The following KLHL22 variants were observed in gnomAD, a reference collection of about 807,000 sequenced individuals.
KLHL22 encodes the protein kelch-like protein 22.
In KLHL22, 18 loss-of-function variants were observed where a neutral mutation model predicts 60.7. The observed-to-expected ratio is 0.30, with a 90% CI of 0.20 to 0.44. The LOEUF is 0.44. Among genes scored for constraint, KLHL22 ranks in the 20% least tolerant of loss-of-function variants. The pLI is 1.00. For synonymous variants in KLHL22, 355 were observed against 354.5 expected (o/e 1.00, Z -0.01); for missense variants, 596 against 852.3 (o/e 0.70, Z 3.74).
At chr22:20,492,977 T>C (rs1483977575) in intron 1 of KLHL22, among the ~76,000 whole-genome samples, 4 of 152,102 alleles carry the variant, frequency 2.6e-5, no homozygotes, top group Middle Eastern at 3.2e-3. Context: ...AAAGCCCCCA[T>C]GGCTGGCTGT....
At chr22:20,486,447 G>A (rs1259556234) in intron 2 of KLHL22, among the ~76,000 whole-genome samples, 3 of 152,134 alleles carry the variant, frequency 2.0e-5, no homozygotes, top group South Asian at 2.1e-4. Flanking sequence ...TGGGTGCATC[G>A]TCCCACAGGA....
intron 2 of KLHL22, chr22:20,488,747 GGAAGA>G: frequency 3.6e-6 from 2 of 561,038 alleles, no homozygotes; most frequent in Admixed American, 3.2e-5. Flanking sequence ...GAAAAGAAAA[GGAAGA>G]GAAGAGAGGG....
In KLHL22 at chr22:20,471,461, G is replaced by A. The variant is rs765292173; in HGVS notation, c.282C>T (p.His94=). The A allele has an allele frequency of 1.9e-5, 30 of 1,614,068 alleles. No homozygotes were observed. Among genetic ancestry groups the A allele is most frequent in the South Asian group, 1.3e-4 (12 of 91,092 alleles). The change falls in exon 3 of 7, where the codon CAC becomes CAT. Residue 94 remains histidine, a synonymous_variant. Transcript: ENST00000328879. ...GGCACATAGCATTGTAGGACACACC[G>A]TGGATCAGGACCTCTTCCTGTTCCA... The part of the protein sequence containing the change: ...KEMEQEEVLI[H]GVSYNAMCQI...
intron 4 of KLHL22, among the ~76,000 whole-genome samples, chr22:20,464,180 C>T (rs753390107): frequency 1.1e-4 from 16 of 152,044 alleles, no homozygotes; most frequent in Admixed American, 1.3e-4. Flanking sequence ...TGGAGCCAGG[C>T]GCATCCTACG....
At chr22:20,460,272 C>CT (rs917409523) in intron 4 of KLHL22, among the ~76,000 whole-genome samples, 8 of 152,164 alleles carry the variant, frequency 5.3e-5, no homozygotes, top group African/African-American at 1.9e-4. Context: ...GTCCTCACAG[C>CT]TTTTTAAGCT....
At chr22:20,464,773 G>A in intron 4 of KLHL22, 85 bp downstream of exon 4, 1 of 812,058 alleles carries the variant, frequency 1.2e-6, no homozygotes, top group South Asian at 1.8e-5. Context: ...AAGGCTGGGG[G>A]GAACCTGACC....
rs886742393 is a variant in KLHL22 at position 20,465,846 on chromosome 22, G to A, written c.394-270C>T. 4.6e-5 allele frequency among the ~76,000 whole-genome samples: 7 copies of A among 151,860 alleles called. No individual in the cohort carries two copies. The South Asian group carries it at 6.2e-4, about 13-fold the overall frequency. On this transcript the variant is annotated intron_variant, in intron 3 of 6. Transcript: ENST00000328879. The surrounding 1 kb of genome is among the most constrained non-coding windows in gnomAD (Gnocchi z 4.9). ...TTGCTTTTCTTTGAGACAAAGTTTCGCTCTTGTTGCCCAGAATGGAGTGCA... is the reference window on the plus strand; with the variant it reads ...TTGCTTTTCTTTGAGACAAAGTTTCACTCTTGTTGCCCAGAATGGAGTGCA...
intron 2 of KLHL22, 99 bp downstream of exon 2, chr22:20,488,886 G>T (rs1017882540): frequency 4.4e-6 from 5 of 1,140,464 alleles, no homozygotes; most frequent in African/African-American, 1.5e-5. Flanking sequence ...GAGGCTCTGA[G>T]GTGAGCAGGA....
At chr22:20,494,372 C>T (rs1260959203) in intron 1 of KLHL22, among the ~76,000 whole-genome samples, 1 of 152,050 alleles carries the variant, frequency 6.6e-6, no homozygotes, top group Admixed American at 6.5e-5. Flanking sequence ...CCACTGCGCC[C>T]GGCTAATTTT....
At position 20,442,313 on chromosome 22, in the gene KLHL22, G is replaced by A. The variant is rs745352594; in HGVS notation, c.1665C>T (p.Asn555=). 2 of 1,614,008 alleles carry A rather than the reference G, an allele frequency of 1.2e-6. No individual in the cohort carries two copies. Among genetic ancestry groups the A allele is most frequent in the East Asian group, 2.2e-5 (1 of 44,888 alleles). The change falls in exon 7 of 7, where the codon AAC becomes AAT. Residue 555 remains asparagine, a synonymous_variant. Coordinates refer to ENST00000328879, the MANE Select transcript of KLHL22 (RefSeq NM_032775.4). The part of the protein sequence containing the change: ...RIYVLGGRSH[N]RGSRTGYVHI... ...GCACGTAGCCTGTGCGGCTGCCGCG[G>A]TTGTGTGAGCGGCCACCTAACACAT... is the stretch of plus-strand genomic sequence containing the variant.
In KLHL22 at chr22:20,495,707, G is replaced by T; in HGVS notation, c.-34+53C>A. On this transcript the variant is annotated intron_variant, in intron 1 of 6. Coordinates refer to ENST00000328879, the MANE Select transcript of KLHL22 (RefSeq NM_032775.4). This position sits in a 1 kb window ranked among gnomAD's most constrained non-coding sequence, Gnocchi z 4.6. Reference sequence around the variant, plus strand: ...GCCCAGCGATGCCTGCTTGCCGCCCGACCCCCGCGTTCGCTGCCGCCCGGC... The same window carrying T: ...GCCCAGCGATGCCTGCTTGCCGCCCTACCCCCGCGTTCGCTGCCGCCCGGC... The T allele has an allele frequency of 6.6e-6, 1 of 151,580 alleles. No homozygotes were observed. Among genetic ancestry groups the T allele is most frequent in the South Asian group, 1.8e-4 (1 of 5,496 alleles). 9.4% of individuals were successfully genotyped at this position (151,580 alleles called of 1,614,324 possible).
At chr22:20,494,399 G>A (rs2053737974) in intron 1 of KLHL22, among the ~76,000 whole-genome samples, 2 of 151,790 alleles carry the variant, frequency 1.3e-5, no homozygotes, top group Non-Finnish European at 2.9e-5. Context: ...TTTCTTTGTA[G>A]AGAAGAGGTT....
intron 2 of KLHL22, chr22:20,483,293 A>T: frequency 2.8e-6 from 2 of 707,662 alleles, no homozygotes; most frequent in Non-Finnish European, 5.2e-6. Context: ...ATCTGCTGAG[A>T]CCAGTACTTG....
intron 6 of KLHL22, among the ~76,000 whole-genome samples, chr22:20,444,134 G>A (rs2052817002): frequency 1.3e-5 from 2 of 151,922 alleles, no homozygotes; most frequent in South Asian, 2.1e-4. Flanking sequence ...TGCCATTGCT[G>A]GCTTTGAAGA....
At position 20,446,637 on chromosome 22, in the gene KLHL22, A is replaced by G. The variant is rs547581950; in HGVS notation, c.1345T>C (p.Tyr449His). 1.9e-6 allele frequency: 3 copies of G among 1,613,032 alleles called. No homozygotes were observed. The highest frequency in any genetic ancestry group is 2.5e-6 in the Non-Finnish European group (3 of 1,180,044). Residue 449 changes from tyrosine to histidine, a missense_variant, in exon 6 of 7, where the codon TAT becomes CAT. Tyr to His is a moderately conservative substitution (Grantham distance 83, BLOSUM62 2). Coordinates refer to ENST00000328879, the MANE Select transcript of KLHL22 (RefSeq NM_032775.4). ...TCCCCTCTGCGGCCGCAGGTGATATACATCTTCCCCTCCAGCGTCGCGCCT... is the reference window on the plus strand; with the variant it reads ...TCCCCTCTGCGGCCGCAGGTGATATGCATCTTCCCCTCCAGCGTCGCGCCT... ...HAGATLEGKMYITCGRRGEDY... is the reference protein window; with the variant it reads ...HAGATLEGKMHITCGRRGEDY...
intron 4 of KLHL22, among the ~76,000 whole-genome samples, chr22:20,460,267 C>G (rs1008897894): frequency 4.7e-4 from 72 of 152,288 alleles, no homozygotes; most frequent in African/African-American, 1.7e-3. Context: ...CTATTGTCCT[C>G]ACAGCTTTTT....
intron 6 of KLHL22, among the ~76,000 whole-genome samples, 195 bp downstream of exon 6, chr22:20,446,248 G>A (rs1191320407): frequency 6.6e-6 from 1 of 152,160 alleles, no homozygotes; most frequent in Non-Finnish European, 1.5e-5. Context: ...TCTGCAGTGG[G>A]GAGGCTATAT....
chr22:20,489,977 A>G, intron 1 of KLHL22: 1 of 358,176 alleles, frequency 2.8e-6, no homozygotes, highest in East Asian at 7.7e-5. Flanking sequence ...AAAACCGCAA[A>G]CTGATTTGAA....
In KLHL22 at chr22:20,457,898, C is replaced by T. The variant is rs143218035; in HGVS notation, c.1215G>A (p.Ala405=). Residue 405 remains alanine (A), a synonymous_variant, in exon 5 of 7, where the codon GCG becomes GCA. Coordinates refer to ENST00000328879, the MANE Select transcript of KLHL22 (RefSeq NM_032775.4). ...TCAGGTCATTGTGGTAGTCACGGCC[C>T]GCCACAGCGTAGATGTACCTGCCTA... ...CVVGRYIYAV[A]GRDYHNDLNA... is the part of the protein sequence containing the mutation. 1.2e-6 allele frequency: 2 copies of T among 1,613,454 alleles called. No individual in the cohort carries two copies. Among genetic ancestry groups the T allele is most frequent in the Non-Finnish European group, 8.5e-7 (1 of 1,179,776 alleles).
Sources: gnomAD v4.1 joint callset for allele counts (sites outside exome capture counted in the v4.1 genomes callset) on GRCh38, gnomAD v4.1.1 for gene constraint, Gnocchi (gnomAD v3.1) non-coding constraint, MANE v1.5 for transcripts, NCBI Gene and HGNC (gene_info 2026-07-23, HGNC 2026-07-21) for gene names.